The following GPRIN3 variants were observed in gnomAD, a reference collection of about 807,000 sequenced individuals.
GPRIN3 encodes the protein GPRIN family member 3, also known as G protein-regulated inducer of neurite outgrowth 3.
In GPRIN3, 12 loss-of-function variants were observed where a neutral mutation model predicts 13.7. That is an observed-to-expected ratio of 0.87 (90% CI 0.56 to 1.42). The LOEUF (loss-of-function observed/expected upper bound fraction) is 1.42. GPRIN3 is among the 40% of genes most tolerant of loss of function. GPRIN3 has a pLI of 0.00. For missense variants in GPRIN3, 1,009 were observed against 958.7 expected (o/e 1.05, Z -0.69); for synonymous variants, 377 against 372.7 (o/e 1.01, Z -0.13).
chr4:89,282,007 G>A, intron 1 of GPRIN3, among the ~76,000 whole-genome samples: 1 of 150,342 alleles, frequency 6.7e-6, no homozygotes, highest in Non-Finnish European at 1.5e-5. Flanking sequence ...ACTGTAGAGA[G>A]TGAGTGGGTG....
chr4:89,283,221 T>C (rs1431626410), intron 1 of GPRIN3, among the ~76,000 whole-genome samples: 6 of 152,232 alleles, frequency 3.9e-5, no homozygotes. Context: ...CATTACTTTT[T>C]AGGCTATCCC....
Position 89,243,312 on chromosome 4 carries a change from A to C in GPRIN3, c.*4468T>G, listed in dbSNP as rs1015498862. ...TTAAGCCCATGTGTCTGGACAGATG[A>C]CATTTGTAATTGCTCAGCCAGTTGA... On this transcript the variant is annotated 3_prime_UTR_variant, in exon 2 of 2. Transcript: ENST00000609438. 4 of 152,184 alleles carry C rather than the reference A, an allele frequency of 2.6e-5. No individual in the cohort carries two copies. The highest frequency in any genetic ancestry group is 9.7e-5 in the African/African-American group (4 of 41,436). 9.4% of individuals were successfully genotyped at this position (152,184 alleles called of 1,614,324 possible).
chr4:89,294,192 AAT>A lies in GPRIN3; in HGVS notation c.-124+13421_-124+13422del, dbSNP rs538265640. 2.7e-4 allele frequency among the ~76,000 whole-genome samples: 41 copies of A among 152,292 alleles called. No homozygotes were observed. In the East Asian group the frequency reaches 7.3e-3, roughly 27 times the overall value. On this transcript the variant is annotated intron_variant, in intron 1 of 1. Transcript: ENST00000609438. Reference sequence around the variant, plus strand: ...TTGAGTGAATTAGCTGCTTCTTCGAAATTTGTTTTAATGTGACACTTGGAAAG... The same window carrying A: ...TTGAGTGAATTAGCTGCTTCTTCGAATTGTTTTAATGTGACACTTGGAAAG...
chr4:89,287,975 CA>C (rs564800544), intron 1 of GPRIN3, among the ~76,000 whole-genome samples: 158 of 152,138 alleles, frequency 1.0e-3, no homozygotes, highest in African/African-American at 3.7e-3. Context: ...ACATAATGAC[CA>C]AAAAAATTCT....
intron 1 of GPRIN3, among the ~76,000 whole-genome samples, chr4:89,256,086 T>C (rs1723457322): frequency 6.6e-6 from 1 of 152,210 alleles, no homozygotes; most frequent in Admixed American, 6.5e-5. Flanking sequence ...CCACTCAAGA[T>C]GGAATACCTG....
intron 1 of GPRIN3, among the ~76,000 whole-genome samples, chr4:89,262,365 TG>T (rs1054811657): frequency 1.4e-4 from 21 of 152,074 alleles, no homozygotes; most frequent in Non-Finnish European, 2.6e-4. Context: ...AGATGGTGCT[TG>T]GGGGACAGAA....
rs1321006344 is a variant in GPRIN3 at position 89,241,072 on chromosome 4, C to T, written c.*6708G>A. The T allele has an allele frequency of 6.6e-6, 1 of 152,076 alleles. No individual in the cohort carries two copies. The highest frequency in any genetic ancestry group is 6.5e-5 in the Admixed American group (1 of 15,268). 9.4% of individuals were successfully genotyped at this position (152,076 alleles called of 1,614,324 possible). A position where few individuals can be genotyped will look rare whatever the true frequency, so the allele number is the denominator to read the frequency against. ...GATGTGTGAGGAATGTAAATTATCCCAGTGGTCAAAGAACTGACCTTACCT... is the reference window on the plus strand; with the variant it reads ...GATGTGTGAGGAATGTAAATTATCCTAGTGGTCAAAGAACTGACCTTACCT... On this transcript the variant is annotated 3_prime_UTR_variant, in exon 2 of 2. Transcript: ENST00000609438.
chr4:89,241,617 C>T lies in GPRIN3; in HGVS notation c.*6163G>A, dbSNP rs1318498605. The T allele has an allele frequency of 6.6e-6, 1 of 152,132 alleles. No individual in the cohort carries two copies. Among genetic ancestry groups the T allele is most frequent in the Non-Finnish European group, 1.5e-5 (1 of 68,000 alleles). The allele number at this position is 152,132 out of a possible 1,614,324, so 9.4% of individuals were successfully genotyped here. A position where few individuals can be genotyped will look rare whatever the true frequency, so the allele number is the denominator to read the frequency against. On this transcript the variant is annotated 3_prime_UTR_variant, in exon 2 of 2. Transcript: ENST00000609438. ...GCCCTTAAAACAAGAATTAGTCTTT[C>T]CTCTCCTCTAGGGATTGGGGAGTAT... is the stretch of plus-strand genomic sequence containing the variant.
At chr4:89,290,529 GC>G (rs1394084592) in intron 1 of GPRIN3, among the ~76,000 whole-genome samples, 1 of 152,074 alleles carries the variant, frequency 6.6e-6, no homozygotes, top group African/African-American at 2.4e-5. Context: ...CAGGACAAAT[GC>G]CATACTCTCC....
At chr4:89,290,446 A>G (rs143709994) in intron 1 of GPRIN3, among the ~76,000 whole-genome samples, 179 of 152,228 alleles carry the variant, frequency 1.2e-3, no homozygotes, top group African/African-American at 3.9e-3. Flanking sequence ...CTAGGTATGG[A>G]AAAAAGTGGG....
intron 1 of GPRIN3, among the ~76,000 whole-genome samples, chr4:89,264,721 G>C (rs1323952270): frequency 6.6e-6 from 1 of 152,190 alleles, no homozygotes; most frequent in Non-Finnish European, 1.5e-5. Context: ...CATTTGCAAA[G>C]AGGTTCCTGC....
At chr4:89,307,309 C>T (rs1725061008) in intron 1 of GPRIN3, among the ~76,000 whole-genome samples, 1 of 149,346 alleles carries the variant, frequency 6.7e-6, no homozygotes, top group Non-Finnish European at 1.5e-5. Context: ...CCCTCATATT[C>T]GGATATTCGC....
rs747449709 is a variant in GPRIN3, at chr4:89,244,271, C to T, written c.*3509G>A. The T allele has an allele frequency of 6.6e-6, 1 of 152,136 alleles. No individual in the cohort carries two copies. The highest frequency in any genetic ancestry group is 1.5e-5 in the Non-Finnish European group (1 of 68,010). The allele number at this position is 152,136 out of a possible 1,614,324, so 9.4% of individuals were successfully genotyped here. A position where few individuals can be genotyped will look rare whatever the true frequency, so the allele number is the denominator to read the frequency against. On this transcript the variant is annotated 3_prime_UTR_variant, in exon 2 of 2. Coordinates refer to ENST00000609438, the MANE Select transcript of GPRIN3 (RefSeq NM_198281.3). ...AATCCAACCTCTAAGGTATATGTTACACATGCATATTTAGTTCAATTTATT... is the reference window on the plus strand; with the variant it reads ...AATCCAACCTCTAAGGTATATGTTATACATGCATATTTAGTTCAATTTATT...
Position 89,307,766 on chromosome 4 carries a change from G to A in GPRIN3, c.-275C>T, listed in dbSNP as rs1725076455. The A allele has an allele frequency of 6.6e-6, 1 of 152,318 alleles. No individual in the cohort carries two copies. The highest frequency in any genetic ancestry group is 2.4e-5 in the African/African-American group (1 of 41,454). The allele number at this position is 152,318 out of a possible 1,614,324, so 9.4% of individuals were successfully genotyped here. A position where few individuals can be genotyped will look rare whatever the true frequency, so the allele number is the denominator to read the frequency against. Reference sequence around the variant, plus strand: ...GTCCTTCTCAGCCCGGTCCCGGAGCGAGCTCCGTGCGTTCAGGAACTGAAA... The same window carrying A: ...GTCCTTCTCAGCCCGGTCCCGGAGCAAGCTCCGTGCGTTCAGGAACTGAAA... On this transcript the variant is annotated 5_prime_UTR_variant, in exon 1 of 2. Transcript: ENST00000609438.
In GPRIN3 at chr4:89,236,497, G is replaced by A. The variant is rs534501341; in HGVS notation, c.*11283C>T. The A allele has an allele frequency of 1.3e-5, 2 of 152,308 alleles. No individual in the cohort carries two copies. Among genetic ancestry groups the A allele is most frequent in the African/African-American group, 2.4e-5 (1 of 41,570 alleles). 9.4% of individuals were successfully genotyped at this position (152,308 alleles called of 1,614,324 possible). On this transcript the variant is annotated 3_prime_UTR_variant, in exon 2 of 2. Coordinates refer to ENST00000609438, the MANE Select transcript of GPRIN3 (RefSeq NM_198281.3). ...GTGGAAGAAAGCAAAACTCAGAGGA[G>A]TAAGAGAAGAAAAGAACAATATTTT...
At chr4:89,296,566 T>C (rs1247352459) in intron 1 of GPRIN3, among the ~76,000 whole-genome samples, 9 of 152,312 alleles carry the variant, frequency 5.9e-5, no homozygotes, top group Non-Finnish European at 1.0e-4. Flanking sequence ...AAAACATCAA[T>C]CACGGAAACA....
rs973837430 is a variant in GPRIN3, at chr4:89,240,705, C to T, written c.*7075G>A. The T allele has an allele frequency of 1.3e-5, 2 of 152,058 alleles. No individual in the cohort carries two copies. Among genetic ancestry groups the T allele is most frequent in the African/African-American group, 4.8e-5 (2 of 41,402 alleles). The allele number at this position is 152,058 out of a possible 1,614,324, so 9.4% of individuals were successfully genotyped here. On this transcript the variant is annotated 3_prime_UTR_variant, in exon 2 of 2. Transcript: ENST00000609438. ...CAAAATCTGCTACCAGGGAGTAACA[C>T]CATTAATTGGGGGGGCATCTCATTC...
In GPRIN3 at chr4:89,244,284, A is replaced by C. The variant is rs1280243009; in HGVS notation, c.*3496T>G. The C allele has an allele frequency of 3.9e-5, 6 of 152,196 alleles. No homozygotes were observed. The highest frequency in any genetic ancestry group is 2.0e-4 in the Admixed American group (3 of 15,284). The allele number at this position is 152,196 out of a possible 1,614,324, so 9.4% of individuals were successfully genotyped here. On this transcript the variant is annotated 3_prime_UTR_variant, in exon 2 of 2. Coordinates refer to ENST00000609438, the MANE Select transcript of GPRIN3 (RefSeq NM_198281.3). The stretch of plus-strand genomic sequence containing the variant: ...AGGTATATGTTACACATGCATATTT[A>C]GTTCAATTTATTTCAATTTTTATGT...
In GPRIN3 at chr4:89,246,729, A is replaced by G. The variant is rs1357867680; in HGVS notation, c.*1051T>C. On this transcript the variant is annotated 3_prime_UTR_variant, in exon 2 of 2. Transcript: ENST00000609438. Reference sequence around the variant, plus strand: ...TTGACTACATTTGTTACTGGAAGTTACTGAACCCAATTAAAAAAAATCACT... The same window carrying G: ...TTGACTACATTTGTTACTGGAAGTTGCTGAACCCAATTAAAAAAAATCACT... 6.6e-6 allele frequency: 1 copy of G among 152,240 alleles called. No homozygotes were observed. Among genetic ancestry groups the G allele is most frequent in the African/African-American group, 2.4e-5 (1 of 41,446 alleles). 9.4% of individuals were successfully genotyped at this position (152,240 alleles called of 1,614,324 possible).
Sources: gnomAD v4.1 joint callset for allele counts (sites outside exome capture counted in the v4.1 genomes callset) on GRCh38, gnomAD v4.1.1 for gene constraint, MANE v1.5 for transcripts, NCBI Gene and HGNC (gene_info 2026-07-23, HGNC 2026-07-21) for gene names.